Variants in RRAS2 observed in about 807,000 individuals in gnomAD.
RRAS2 encodes the protein ras-related protein R-Ras2.
Under a neutral mutation model 27.6 loss-of-function variants are expected in RRAS2, and 7 were observed. That is an observed-to-expected ratio of 0.25 (90% confidence interval 0.14 to 0.48). The LOEUF is 0.48. Among genes scored for constraint, RRAS2 ranks in the 20% least tolerant of loss-of-function variants. RRAS2 has a pLI of 0.99. For missense variants in RRAS2, 178 were observed against 256.2 expected (o/e 0.69, Z 2.08); for synonymous variants, 86 against 90.9 (o/e 0.95, Z 0.31).
chr11:14,330,205 C>T (rs1848457239), intron 1 of RRAS2, among the ~76,000 whole-genome samples: 1 of 151,876 alleles, frequency 6.6e-6, no homozygotes, highest in South Asian at 2.1e-4. Context: ...GAAAACAAAC[C>T]CAAAGGAAAA....
chr11:14,303,580 G>A (rs1262125388), intron 1 of RRAS2, among the ~76,000 whole-genome samples: 1 of 152,064 alleles, frequency 6.6e-6, no homozygotes, highest in Non-Finnish European at 1.5e-5. Context: ...TCCACAAAAA[G>A]GGGGGAAAAA....
chr11:14,360,115 C>T (rs1203604171), upstream of RRAS2, among the ~76,000 whole-genome samples: 1 of 151,676 alleles, frequency 6.6e-6, no homozygotes, highest in Admixed American at 6.6e-5. Context: ...GTTTGACTAT[C>T]ATAAGACTGC....
chr11:14,337,825 G>T (rs1258871047), intron 1 of RRAS2, among the ~76,000 whole-genome samples: 1 of 152,166 alleles, frequency 6.6e-6, no homozygotes, highest in African/African-American at 2.4e-5. Context: ...GTTCTGGGAT[G>T]AAGGAGAAAT....
chr11:14,300,692 G>A (rs1163893567), intron 1 of RRAS2, among the ~76,000 whole-genome samples: 1 of 152,148 alleles, frequency 6.6e-6, no homozygotes, highest in African/African-American at 2.4e-5. Flanking sequence ...CATGCCACTA[G>A]ATTGCATAAC....
chr11:14,316,103 C>A (rs1214596928), intron 1 of RRAS2, among the ~76,000 whole-genome samples: 1 of 152,150 alleles, frequency 6.6e-6, no homozygotes, highest in East Asian at 1.9e-4. Context: ...AAGTTTGGTC[C>A]TTCTTCCACC....
chr11:14,338,957 A>G (rs1554952882), intron 1 of RRAS2, among the ~76,000 whole-genome samples: 1 of 152,048 alleles, frequency 6.6e-6, no homozygotes, highest in African/African-American at 2.4e-5. Flanking sequence ...CTTCTGTACT[A>G]CGCCCAAAAG....
At chr11:14,330,708 AAAAAT>A (rs1462535617) in intron 1 of RRAS2, among the ~76,000 whole-genome samples, 1 of 152,242 alleles carries the variant, frequency 6.6e-6, no homozygotes, top group Non-Finnish European at 1.5e-5. Flanking sequence ...AGGCTGTAAC[AAAAAT>A]AAGATACTTT....
intron 1 of RRAS2, among the ~76,000 whole-genome samples, chr11:14,340,295 T>C (rs1848676931): frequency 6.6e-6 from 1 of 151,786 alleles, no homozygotes; most frequent in Admixed American, 6.6e-5. Flanking sequence ...GAAATGGGGT[T>C]TTGCCACATA....
At chr11:14,325,662 T>C (rs1343267718) in intron 1 of RRAS2, among the ~76,000 whole-genome samples, 1 of 152,200 alleles carries the variant, frequency 6.6e-6, no homozygotes, top group East Asian at 1.9e-4. Context: ...GAATTGACAC[T>C]GTTAAGAATC....
intron 1 of RRAS2, among the ~76,000 whole-genome samples, chr11:14,303,842 C>T (rs1463348762): frequency 2.6e-5 from 4 of 152,112 alleles, no homozygotes; most frequent in African/African-American, 9.7e-5. Flanking sequence ...ATGGGGGTGT[C>T]AAAAGGCCAC....
rs782758464 is a variant in RRAS2, at chr11:14,321,178, C to CAA, written c.109-25325_109-25324dup. Among the ~76,000 whole-genome samples, 141 of 134,034 alleles carry CAA rather than the reference C, an allele frequency of 1.1e-3. 1 individual carries two copies. The highest frequency in any genetic ancestry group is 2.2e-3 in the Admixed American group (30 of 13,392). 87.9% of individuals were successfully genotyped at this position (134,034 alleles called of 152,430 possible). On this transcript the variant is annotated intron_variant, in intron 1 of 5. Transcript: ENST00000256196. ...TAGACAACAGACCAAGACTCCATCT[C>CAA]AAAAAAAAAAAAAAGATTGCAAATA...
upstream of RRAS2, chr11:14,359,211 T>C: frequency 1.2e-6 from 1 of 820,780 alleles, no homozygotes; most frequent in Non-Finnish European, 1.5e-6. Context: ...GCTGAGGTGC[T>C]GCATATGCAT....
intron 1 of RRAS2, among the ~76,000 whole-genome samples, chr11:14,343,324 A>G (rs1185511021): frequency 6.6e-5 from 10 of 152,264 alleles, no homozygotes; most frequent in Admixed American, 3.3e-4. Flanking sequence ...AAAGTTTTCC[A>G]TACTATTTTC....
chr11:14,346,081 T>C (rs1275350454), intron 1 of RRAS2, among the ~76,000 whole-genome samples: 9 of 152,240 alleles, frequency 5.9e-5, no homozygotes, highest in African/African-American at 2.2e-4. Flanking sequence ...CGTTGTTTAA[T>C]ATCAGACCGA....
chr11:14,333,133 C>T (rs1270448127), intron 1 of RRAS2, among the ~76,000 whole-genome samples: 3 of 152,050 alleles, frequency 2.0e-5, no homozygotes, highest in Non-Finnish European at 4.4e-5. Flanking sequence ...CTTATGTCAT[C>T]ATATATATTT....
intron 1 of RRAS2, among the ~76,000 whole-genome samples, chr11:14,351,917 A>ACAGCAAAT (rs1848963142): frequency 6.7e-6 from 1 of 149,332 alleles, no homozygotes; most frequent in East Asian, 2.0e-4. Context: ...AAAAAAGAAG[A>ACAGCAAAT]CAGCAAATGC....
intron 1 of RRAS2, among the ~76,000 whole-genome samples, chr11:14,343,818 A>G (rs1253501435): frequency 2.0e-5 from 3 of 151,980 alleles, no homozygotes; most frequent in Non-Finnish European, 2.9e-5. Context: ...TGGGTGACAG[A>G]GTGAGACCCT....
rs781860601 is a variant in RRAS2 at position 14,293,124 on chromosome 11, A to AATATATATATATATATATAT, written c.408+1327_408+1346dup. ...CTCCGTCTCAAAACAAAACAAAACAAATATATATATATATATATATATATA... is the reference window on the plus strand; with the variant it reads ...CTCCGTCTCAAAACAAAACAAAACAAATATATATATATATATATATATATATATATATATATATATATATA... On this transcript the variant is annotated intron_variant, in intron 4 of 5. Transcript: ENST00000256196. Among the ~76,000 whole-genome samples the AATATATATATATATATATAT allele has an allele frequency of 2.2e-3, 166 of 76,748 alleles. 4 individuals are homozygous for AATATATATATATATATATAT. Among genetic ancestry groups the AATATATATATATATATATAT allele is most frequent in the African/African-American group, 2.5e-3 (40 of 15,986 alleles). The allele number at this position is 76,748 out of a possible 152,430, so 50.3% of individuals were successfully genotyped here.
intron 1 of RRAS2, among the ~76,000 whole-genome samples, chr11:14,307,482 T>G (rs781991127): frequency 9.2e-5 from 14 of 151,742 alleles, no homozygotes; most frequent in Non-Finnish European, 1.8e-4. Flanking sequence ...CGTCTCTCCC[T>G]GGTTCAAGTG....
Sources: gnomAD v4.1 joint callset for allele counts (sites outside exome capture counted in the v4.1 genomes callset) on GRCh38, gnomAD v4.1.1 for gene constraint, MANE v1.5 for transcripts, NCBI Gene and HGNC (gene_info 2026-07-23, HGNC 2026-07-21) for gene names.